SULF1: variants seen among roughly 807,000 people sequenced by gnomAD.
SULF1 encodes the protein extracellular sulfatase Sulf-1.
Under a neutral mutation model 110.5 loss-of-function variants are expected in SULF1, and 46 were observed. The observed-to-expected ratio is 0.42, with a 90% CI of 0.33 to 0.53. The LOEUF is 0.53. Among genes scored for constraint, SULF1 ranks in the 20% least tolerant of loss-of-function variants. The pLI is 0.12. For missense variants in SULF1, 941 were observed against 1,094.2 expected (o/e 0.86, Z 1.98); for synonymous variants, 371 against 387.1 (o/e 0.96, Z 0.49).
In SULF1 at chr8:69,617,407, A is replaced by G. The variant is rs867903454; in HGVS notation, c.1378-3628A>G. 7.8e-3 allele frequency among the ~76,000 whole-genome samples: 476 copies of G among 60,656 alleles called. 8 individuals carry two copies. Among genetic ancestry groups the G allele is most frequent in the African/African-American group, 0.037 (310 of 8,466 alleles). 39.8% of individuals were successfully genotyped at this position (60,656 alleles called of 152,430 possible). Reference sequence around the variant, plus strand: ...TATATATATATATATATATATATATATATATATATATATATATATATATAT... The same window carrying G: ...TATATATATATATATATATATATATGTATATATATATATATATATATATAT... On this transcript the variant is annotated intron_variant, in intron 13 of 22. Coordinates refer to ENST00000402687, the MANE Select transcript of SULF1 (RefSeq NM_001128205.2).
At chr8:69,507,823 T>TAA (rs143015866) in intron 3 of SULF1, among the ~76,000 whole-genome samples, 2 of 151,398 alleles carry the variant, frequency 1.3e-5, no homozygotes, top group African/African-American at 4.8e-5. Context: ...CATGAAAATG[T>TAA]AAAAAAAAAT....
In SULF1 at chr8:69,473,646, A is replaced by G. The variant is rs1028766948; in HGVS notation, c.-391+6696A>G. Reference sequence around the variant, plus strand: ...GGGGATTTGTCTTATTACATATCCAATCACATTATACCATAACAATTGAAT... The same window carrying G: ...GGGGATTTGTCTTATTACATATCCAGTCACATTATACCATAACAATTGAAT... On this transcript the variant is annotated intron_variant, in intron 1 of 22. Coordinates refer to the SULF1 transcript ENST00000260128. Among the ~76,000 whole-genome samples the G allele has an allele frequency of 5.3e-5, 8 of 152,342 alleles. No homozygotes were observed. The South Asian group carries it at 6.2e-4, about 12-fold the overall frequency.
chr8:69,578,890 G>T (rs956314452), intron 6 of SULF1, among the ~76,000 whole-genome samples: 1 of 152,200 alleles, frequency 6.6e-6, no homozygotes, highest in African/African-American at 2.4e-5. Context: ...GGGGCTGGGT[G>T]CGGTGGCTCA....
intron 21 of SULF1, among the ~76,000 whole-genome samples, chr8:69,639,202 T>G (rs1360875653): frequency 6.6e-6 from 1 of 152,218 alleles, no homozygotes; most frequent in African/African-American, 2.4e-5. Flanking sequence ...GAAGATATAC[T>G]CTGAGTAAAC....
Position 69,627,840 on chromosome 8 carries a change from T to C in SULF1, c.2016T>C (p.Pro672=). Residue 672 remains proline (P), a synonymous_variant, in exon 17 of 23, where the codon CCT becomes CCC. Transcript: ENST00000402687. ...EVRGHLKRRK[P]EECSCSKQSY... ...GAGGACATCTGAAGAGAAGGAAGCCTGAGGAATGTAGCTGCAGTAAACAAA... is the reference window on the plus strand; with the variant it reads ...GAGGACATCTGAAGAGAAGGAAGCCCGAGGAATGTAGCTGCAGTAAACAAA... 6.2e-7 allele frequency: 1 copy of C among 1,613,362 alleles called. No individual in the cohort carries two copies. Among genetic ancestry groups the C allele is most frequent in the Non-Finnish European group, 8.5e-7 (1 of 1,179,714 alleles).
At chr8:69,509,647 G>A (rs1811424184) in intron 3 of SULF1, among the ~76,000 whole-genome samples, 1 of 152,152 alleles carries the variant, frequency 6.6e-6, no homozygotes. Context: ...GTCATCATCT[G>A]GATTCCCCAA....
At chr8:69,565,197 T>C (rs910104774) in intron 5 of SULF1, among the ~76,000 whole-genome samples, 3 of 151,366 alleles carry the variant, frequency 2.0e-5, no homozygotes, top group African/African-American at 7.3e-5. Context: ...TCATTATTGC[T>C]GACGTTGGTT....
chr8:69,512,022 C>T (rs369063498), intron 3 of SULF1, among the ~76,000 whole-genome samples: 18 of 152,160 alleles, frequency 1.2e-4, no homozygotes, highest in Non-Finnish European at 2.2e-4. Context: ...AAAAGCATCA[C>T]GAAGAGAAGT....
chr8:69,603,754 T>C, intron 12 of SULF1, 98 bp downstream of exon 12: 1 of 848,518 alleles, frequency 1.2e-6, no homozygotes, highest in Non-Finnish European at 2.0e-6. Context: ...TTACTAAGCA[T>C]GCAGATTTCG....
upstream of SULF1, among the ~76,000 whole-genome samples, chr8:69,490,748 T>C (rs182024152): frequency 1.2e-3 from 185 of 152,200 alleles, 4 homozygotes; most frequent in Admixed American, 0.012. Context: ...CCTAGTTCTG[T>C]CACTTTCTAA....
In SULF1 at chr8:69,649,972, C is replaced by CTT. The variant is rs536073966; in HGVS notation, c.2586-8497_2586-8496dup. ...CCCACTCTGTAATTCCTCCTGCTTG[C>CTT]TTTTTTTTTTTTTTTTTTTTTTTTT... On this transcript the variant is annotated intron_variant, in intron 22 of 22. Transcript: ENST00000402687. Among the ~76,000 whole-genome samples, 18 of 30,588 alleles carry CTT rather than the reference C, an allele frequency of 5.9e-4. 8 individuals carry two copies. The highest frequency in any genetic ancestry group is 7.9e-4 in the Non-Finnish European group (12 of 15,148). 20.1% of individuals were successfully genotyped at this position (30,588 alleles called of 152,430 possible).
Position 69,509,705 on chromosome 8 carries a change from C to T in SULF1, c.-134+7737C>T, listed in dbSNP as rs977385305. On this transcript the variant is annotated intron_variant, in intron 3 of 22. Coordinates refer to ENST00000402687, the MANE Select transcript of SULF1 (RefSeq NM_001128205.2). ...GACATCCCTCTGCTCACTGTCCATA[C>T]GTGTCATGAGGCTGCCCTTCTCACA... Among the ~76,000 whole-genome samples the T allele has an allele frequency of 4.6e-5, 7 of 152,320 alleles. No individual in the cohort carries two copies. The East Asian group carries it at 9.7e-4, about 21-fold the overall frequency.
intron 8 of SULF1, among the ~76,000 whole-genome samples, chr8:69,594,898 C>T (rs1442231630): frequency 6.6e-6 from 1 of 151,988 alleles, no homozygotes; most frequent in Non-Finnish European, 1.5e-5. Flanking sequence ...TGAATGATGC[C>T]CTGGAGTTTT....
intron 3 of SULF1, among the ~76,000 whole-genome samples, chr8:69,536,221 T>C (rs114277353): frequency 0.015 from 2,332 of 152,322 alleles, 54 homozygotes; most frequent in African/African-American, 0.054. Flanking sequence ...ATTGTCTGTT[T>C]GGTGTCAGTG....
At chr8:69,618,009 T>C (rs1809311695) in intron 13 of SULF1, among the ~76,000 whole-genome samples, 1 of 152,178 alleles carries the variant, frequency 6.6e-6, no homozygotes, top group Non-Finnish European at 1.5e-5. Flanking sequence ...GGAATCCAGC[T>C]GCAAAACTGT....
At chr8:69,595,017 T>C (rs1369101376) in intron 8 of SULF1, among the ~76,000 whole-genome samples, 7 of 152,226 alleles carry the variant, frequency 4.6e-5, no homozygotes, top group Non-Finnish European at 1.0e-4. Flanking sequence ...CATTGTTGCT[T>C]AGCAAATGAA....
intron 13 of SULF1, among the ~76,000 whole-genome samples, chr8:69,611,142 C>T (rs759523290): frequency 1.3e-5 from 2 of 152,238 alleles, no homozygotes; most frequent in Non-Finnish European, 2.9e-5. Flanking sequence ...GTTTCTTCAT[C>T]TGTAAAATGG....
chr8:69,571,503 C>T (rs1805230073), intron 5 of SULF1, among the ~76,000 whole-genome samples: 1 of 152,216 alleles, frequency 6.6e-6, no homozygotes, highest in South Asian at 2.1e-4. Context: ...ATCCTCACCC[C>T]TGCCTTGTGA....
rs565156287 is a variant in SULF1, at chr8:69,586,239, A to G, written c.413-118A>G. 4.3e-5 allele frequency: 45 copies of G among 1,053,978 alleles called. 1 individual carries two copies. The South Asian group carries it at 7.7e-4, about 18-fold the overall frequency. The allele number at this position is 1,053,978 out of a possible 1,614,324, so 65.3% of individuals were successfully genotyped here. A position where few individuals can be genotyped will look rare whatever the true frequency, so the allele number is the denominator to read the frequency against. On this transcript the variant is annotated intron_variant, in intron 6 of 22. Transcript: ENST00000402687. Reference sequence around the variant, plus strand: ...CACTAATGTCATTTTGGCATTCACTATTACCTAGGGCAACTTTTGTTTTAC... The same window carrying G: ...CACTAATGTCATTTTGGCATTCACTGTTACCTAGGGCAACTTTTGTTTTAC...
Sources: gnomAD v4.1 joint callset for allele counts (sites outside exome capture counted in the v4.1 genomes callset) on GRCh38, gnomAD v4.1.1 for gene constraint, MANE v1.5 for transcripts, NCBI Gene and HGNC (gene_info 2026-07-23, HGNC 2026-07-21) for gene names.